TSPAN5: variants seen among roughly 807,000 people sequenced by gnomAD.
TSPAN5 encodes tetraspanin 5.
Under a neutral mutation model 37.1 loss-of-function variants are expected in TSPAN5, and 10 were observed. That is an observed-to-expected ratio of 0.27 (90% CI 0.17 to 0.46). The LOEUF (loss-of-function observed/expected upper bound fraction) is 0.46. TSPAN5 is among the 20% of genes least tolerant of loss of function. TSPAN5 has a pLI of 1.00. For synonymous variants in TSPAN5, 110 were observed against 118.9 expected, an observed-to-expected ratio of 0.93 and a Z score of 0.48; for missense variants, 195 against 326.6, an observed-to-expected ratio of 0.60 and a Z score of 3.11.
intron 1 of TSPAN5, among the ~76,000 whole-genome samples, chr4:98,656,330 T>C (rs554069973): frequency 6.6e-6 from 1 of 152,322 alleles, no homozygotes; most frequent in African/African-American, 2.4e-5. Context: ...CCCTGGGTGC[T>C]TTTTGTTGCT....
chr4:98,609,996 G>T (rs572236762), intron 1 of TSPAN5, among the ~76,000 whole-genome samples: 36 of 152,250 alleles, frequency 2.4e-4, no homozygotes, highest in Middle Eastern at 3.4e-3. Flanking sequence ...AATTCGCAGA[G>T]GCATTAGCCC....
At chr4:98,568,553 C>T (rs1300934461) in intron 1 of TSPAN5, among the ~76,000 whole-genome samples, 1 of 151,862 alleles carries the variant, frequency 6.6e-6, no homozygotes, top group Non-Finnish European at 1.5e-5. Flanking sequence ...ACCACCAACC[C>T]ACCACAAAAA....
chr4:98,599,667 T>C (rs974560102), intron 1 of TSPAN5, among the ~76,000 whole-genome samples: 4 of 152,210 alleles, frequency 2.6e-5, no homozygotes, highest in Non-Finnish European at 4.4e-5. Flanking sequence ...GAACTTCATA[T>C]GAATGAACAT....
chr4:98,644,779 A>T (rs1347819013), intron 1 of TSPAN5, among the ~76,000 whole-genome samples: 1 of 152,148 alleles, frequency 6.6e-6, no homozygotes, highest in African/African-American at 2.4e-5. Context: ...CCTGAGATAC[A>T]ATTTCCCAAA....
chr4:98,543,815 T>C (rs1162823201), intron 1 of TSPAN5, among the ~76,000 whole-genome samples: 2 of 152,190 alleles, frequency 1.3e-5, no homozygotes, highest in Non-Finnish European at 2.9e-5. Context: ...TTTTTCTATA[T>C]GTGAACTTCA....
At chr4:98,506,767 A>C (rs1753484998) in intron 2 of TSPAN5, among the ~76,000 whole-genome samples, 1 of 152,176 alleles carries the variant, frequency 6.6e-6, no homozygotes. Context: ...TAACCATTCT[A>C]TACATCCCCT....
chr4:98,611,251 C>T (rs1219925336), intron 1 of TSPAN5, among the ~76,000 whole-genome samples: 2 of 152,214 alleles, frequency 1.3e-5, no homozygotes, highest in Non-Finnish European at 2.9e-5. Flanking sequence ...AACCCTGAAA[C>T]AAGCCTCTAA....
intron 2 of TSPAN5, among the ~76,000 whole-genome samples, chr4:98,491,749 G>T (rs1753092107): frequency 6.6e-6 from 1 of 151,762 alleles, no homozygotes. Flanking sequence ...TTACAAAAAT[G>T]ATAGGGAGTT....
At chr4:98,607,047 C>T (rs1011692143) in intron 1 of TSPAN5, among the ~76,000 whole-genome samples, 1 of 152,008 alleles carries the variant, frequency 6.6e-6, no homozygotes, top group African/African-American at 2.4e-5. Context: ...AGCCGGGGGA[C>T]CTGCCATCCC....
At chr4:98,491,460 C>T (rs1191147815) in intron 2 of TSPAN5, among the ~76,000 whole-genome samples, 1 of 152,036 alleles carries the variant, frequency 6.6e-6, no homozygotes, top group Non-Finnish European at 1.5e-5. Context: ...GAGGCCAAGG[C>T]GGACAGATCA....
At chr4:98,559,312 C>T (rs780425260) in intron 1 of TSPAN5, among the ~76,000 whole-genome samples, 3 of 152,028 alleles carry the variant, frequency 2.0e-5, no homozygotes, top group Admixed American at 1.3e-4. Context: ...TAAACATGAC[C>T]GGATATTCAA....
intron 7 of TSPAN5, among the ~76,000 whole-genome samples, chr4:98,475,579 T>A (rs192048096): frequency 2.6e-5 from 4 of 152,368 alleles, no homozygotes; most frequent in Admixed American, 2.6e-4. Context: ...TTTGAGCCCA[T>A]GTAAACGATG....
At chr4:98,488,169 A>G (rs967657191) in intron 2 of TSPAN5, among the ~76,000 whole-genome samples, 11 of 152,234 alleles carry the variant, frequency 7.2e-5, no homozygotes, top group African/African-American at 2.7e-4. Flanking sequence ...GACAGACGCC[A>G]TCGCTTCTTT....
At position 98,490,641 on chromosome 4, in the gene TSPAN5, A is replaced by G. The variant is rs142210982; in HGVS notation, c.133-3757T>C. ...GAACTTTATTTTTAATGGATTCAGAATATACCCACGTAGTTATCAGTTGAA... is the reference window on the plus strand; with the variant it reads ...GAACTTTATTTTTAATGGATTCAGAGTATACCCACGTAGTTATCAGTTGAA... On this transcript the variant is annotated intron_variant, in intron 2 of 7. Transcript: ENST00000305798. Among the ~76,000 whole-genome samples the G allele has an allele frequency of 3.7e-3, 568 of 152,336 alleles. 3 individuals are homozygous for G. The highest frequency in any genetic ancestry group is 0.013 in the African/African-American group (547 of 41,572).
At chr4:98,533,435 G>A (rs1754146736) in intron 1 of TSPAN5, among the ~76,000 whole-genome samples, 1 of 151,320 alleles carries the variant, frequency 6.6e-6, no homozygotes, top group Non-Finnish European at 1.5e-5. Flanking sequence ...ATGTGTCCAG[G>A]ATTTATCCAT....
chr4:98,656,112 A>G (rs1274731527), intron 1 of TSPAN5, among the ~76,000 whole-genome samples: 1 of 152,150 alleles, frequency 6.6e-6, no homozygotes, highest in Non-Finnish European at 1.5e-5. Flanking sequence ...ATCAGAAAAC[A>G]TGCGGCTCTG....
At chr4:98,559,885 T>C (rs1754839975) in intron 1 of TSPAN5, among the ~76,000 whole-genome samples, 1 of 152,188 alleles carries the variant, frequency 6.6e-6, no homozygotes, top group Admixed American at 6.5e-5. Flanking sequence ...GTAGAATAAA[T>C]TGACTGACTG....
intron 1 of TSPAN5, among the ~76,000 whole-genome samples, chr4:98,585,645 G>C (rs1328413768): frequency 6.6e-6 from 1 of 152,152 alleles, no homozygotes; most frequent in African/African-American, 2.4e-5. Flanking sequence ...TGTATCCATT[G>C]TTTAGCTTCC....
chr4:98,652,009 C>T (rs935264185), intron 1 of TSPAN5, among the ~76,000 whole-genome samples: 1 of 151,460 alleles, frequency 6.6e-6, no homozygotes, highest in African/African-American at 2.4e-5. Context: ...CATCACCACA[C>T]CCAGCTAATT....
Sources: allele counts gnomAD v4.1 joint callset (sites outside exome capture counted in the v4.1 genomes callset), GRCh38; gene constraint gnomAD v4.1.1; transcripts MANE v1.5; gene names NCBI Gene and HGNC (gene_info 2026-07-23, HGNC 2026-07-21).